The following NLRP11 variants were observed in gnomAD, a reference collection of about 807,000 sequenced individuals.
The protein encoded by NLRP11 is NACHT, LRR and PYD domains-containing protein 11.
In NLRP11, 53 loss-of-function variants were observed where a neutral mutation model predicts 79.3. The observed-to-expected ratio is 0.67, with a 90% CI of 0.54 to 0.84. The LOEUF is 0.84. Ranked by LOEUF, NLRP11 falls within the 40% of genes least tolerant of loss-of-function variation. NLRP11 has a pLI of 0.00. For synonymous variants in NLRP11, 518 were observed against 462.6 expected (o/e 1.12, Z -1.54); for missense variants, 1,264 against 1,255.0 (o/e 1.01, Z -0.11).
chr19:55,812,065 T>C (rs1169224701), intron 2 of NLRP11, among the ~76,000 whole-genome samples: 1 of 151,986 alleles, frequency 6.6e-6, no homozygotes, highest in Non-Finnish European at 1.5e-5. Context: ...AATGGAAGCA[T>C]ATCAAAACAT....
Position 55,809,263 on chromosome 19 carries a change from T to G in NLRP11, c.1347A>C (p.Ile449=), listed in dbSNP as rs140090548. Reference sequence around the variant, plus strand: ...TACAAAACTCCTGGACGTTCAAGTGTATGAACTTGTAACGGTCTTTATGAG... The same window carrying G: ...TACAAAACTCCTGGACGTTCAAGTGGATGAACTTGTAACGGTCTTTATGAG... The change falls in exon 3 of 10, where the codon ATA becomes ATC. Residue 449 remains isoleucine, a synonymous_variant. Coordinates refer to ENST00000589093, the Ensembl canonical transcript of NLRP11. The surrounding 1 kb of genome is among the most constrained non-coding windows in gnomAD (Gnocchi z 4.5). 4.2e-3 allele frequency: 6,765 copies of G among 1,614,022 alleles called. 17 individuals are homozygous for G. Among genetic ancestry groups the G allele is most frequent in the Middle Eastern group, 9.6e-3 (58 of 6,062 alleles).
intron 4 of NLRP11, among the ~76,000 whole-genome samples, chr19:55,806,733 C>A (rs936608903): frequency 1.3e-5 from 2 of 152,172 alleles, no homozygotes; most frequent in Non-Finnish European, 2.9e-5. Flanking sequence ...AAACCCAGTC[C>A]TGACACTGGT....
At chr19:55,785,904 G>A in intron 9 of NLRP11, 33 bp from the exon 10 acceptor site, 8 of 1,597,814 alleles carry the variant, frequency 5.0e-6, no homozygotes, top group Non-Finnish European at 6.8e-6. Context: ...CGCCGTTAAT[G>A]CTACATGTGA....
exon 10 of NLRP11, chr19:55,785,582 C>T (rs1989819683): frequency 4.5e-6 from 7 of 1,562,298 alleles, no homozygotes; most frequent in Non-Finnish European, 6.1e-6. Context: ...GCATCCCAGT[C>T]ACGGTAGTAA....
At chr19:55,793,143 G>GT (rs1978441631) in intron 6 of NLRP11, among the ~76,000 whole-genome samples, 1 of 152,170 alleles carries the variant, frequency 6.6e-6, no homozygotes, top group Non-Finnish European at 1.5e-5. Context: ...GCCTCCCAAA[G>GT]TGCCGGAATT....
At chr19:55,827,005 T>C (rs1982298890) in intron 1 of NLRP11, among the ~76,000 whole-genome samples, 4 of 145,864 alleles carry the variant, frequency 2.7e-5, no homozygotes, top group Admixed American at 6.9e-5. Context: ...CACTACCTGA[T>C]TTCAAACTAT....
At chr19:55,817,374 A>G (rs77505084) in intron 2 of NLRP11, among the ~76,000 whole-genome samples, 10,176 of 152,164 alleles carry the variant, frequency 0.067, 902 homozygotes, top group East Asian at 0.24. Context: ...ATGCACACAC[A>G]TTTATAGTGG....
chr19:55,827,710 A>T (rs369549021), intron 1 of NLRP11, among the ~76,000 whole-genome samples: 1 of 151,798 alleles, frequency 6.6e-6, no homozygotes, highest in Non-Finnish European at 1.5e-5. Context: ...TCAAAACCAC[A>T]ATGAGATACC....
chr19:55,787,579 C>T (rs1989958947), intron 9 of NLRP11, among the ~76,000 whole-genome samples: 1 of 152,156 alleles, frequency 6.6e-6, no homozygotes, highest in Non-Finnish European at 1.5e-5. Flanking sequence ...TCAAGTGATC[C>T]ACCCGCCTTA....
At chr19:55,819,215 C>G (rs1427463503) in intron 1 of NLRP11, among the ~76,000 whole-genome samples, 1 of 150,866 alleles carries the variant, frequency 6.6e-6, no homozygotes, top group South Asian at 2.1e-4. Flanking sequence ...TCTACCCCAC[C>G]TCTGCAGGGG....
At chr19:55,829,856 A>AT (rs1416894332) in intron 1 of NLRP11, among the ~76,000 whole-genome samples, 1 of 152,166 alleles carries the variant, frequency 6.6e-6, no homozygotes. Context: ...AAACCCACGT[A>AT]TAACTTTTGA....
intron 9 of NLRP11, among the ~76,000 whole-genome samples, chr19:55,786,853 G>C (rs1434825251): frequency 1.3e-5 from 2 of 152,158 alleles, no homozygotes; most frequent in Non-Finnish European, 2.9e-5. Flanking sequence ...GAAAAATAAA[G>C]AGAATAAGCA....
intron 1 of NLRP11, among the ~76,000 whole-genome samples, chr19:55,831,095 G>GCCCCCCCC (rs11300554): frequency 1.2e-5 from 1 of 80,502 alleles, no homozygotes. Flanking sequence ...AAGACCCACC[G>GCCCCCCCC]CCCCACCCCC....
intron 9 of NLRP11, among the ~76,000 whole-genome samples, chr19:55,788,419 T>C (rs1365047938): frequency 6.6e-6 from 1 of 151,138 alleles, no homozygotes; most frequent in Non-Finnish European, 1.5e-5. Flanking sequence ...CATCATCTTA[T>C]AGGTCCTAGA....
In NLRP11 at chr19:55,824,413, A is replaced by C. The variant is rs952864109; in HGVS notation, c.-62-6177T>G. Among the ~76,000 whole-genome samples the C allele has an allele frequency of 4.5e-3, 649 of 145,126 alleles. 10 individuals carry two copies. Among genetic ancestry groups the C allele is most frequent in the Non-Finnish European group, 5.4e-3 (365 of 67,100 alleles). On this transcript the variant is annotated intron_variant, in intron 1 of 9. Coordinates refer to ENST00000589093, the Ensembl canonical transcript of NLRP11. ...GACAGGATCAAATTCACACATAACA[A>C]TATTAACTTTAAATGTAAATGGACT...
intron 1 of NLRP11, among the ~76,000 whole-genome samples, chr19:55,824,756 A>C (rs915761545): frequency 1.9e-5 from 2 of 105,642 alleles, no homozygotes; most frequent in Non-Finnish European, 3.3e-5. Context: ...ACCCAGATTC[A>C]TAAAGCAAGT....
chr19:55,815,188 C>G (rs555900021), intron 2 of NLRP11, among the ~76,000 whole-genome samples: 1 of 152,108 alleles, frequency 6.6e-6, no homozygotes, highest in Non-Finnish European at 1.5e-5. Context: ...CATTCATATG[C>G]ACCCCTATTA....
At chr19:55,824,282 A>G (rs1982094350) in intron 1 of NLRP11, among the ~76,000 whole-genome samples, 2 of 149,476 alleles carry the variant, frequency 1.3e-5, no homozygotes, top group Admixed American at 6.7e-5. Flanking sequence ...ATGGAAAGGA[A>G]CAACTGGTAC....
intron 2 of NLRP11, among the ~76,000 whole-genome samples, chr19:55,815,884 T>C (rs1218132023): frequency 2.0e-5 from 3 of 152,178 alleles, no homozygotes; most frequent in Non-Finnish European, 4.4e-5. Context: ...GCTTTAAATA[T>C]AGAAGAAGCC....
Sources: gnomAD v4.1 joint callset for allele counts (sites outside exome capture counted in the v4.1 genomes callset) on GRCh38, gnomAD v4.1.1 for gene constraint, Gnocchi (gnomAD v3.1) non-coding constraint, MANE v1.5 for transcripts, NCBI Gene and HGNC (gene_info 2026-07-23, HGNC 2026-07-21) for gene names.